ZNF423: variants seen among roughly 807,000 people sequenced by gnomAD.
The protein encoded by ZNF423 is zinc finger protein 423.
Under a neutral mutation model 95.8 loss-of-function variants are expected in ZNF423, and 12 were observed. The observed-to-expected ratio is 0.13, with a 90% CI of 0.08 to 0.20. The LOEUF (loss-of-function observed/expected upper bound fraction) is 0.20. ZNF423 is among the 10% of genes least tolerant of loss of function. ZNF423 has a pLI of 1.00. For missense variants in ZNF423, 1,316 were observed against 1,737.1 expected (o/e 0.76, Z 4.31); for synonymous variants, 749 against 711.9 (o/e 1.05, Z -0.83).
At chr16:49,522,530 C>T (rs901517136) in intron 7 of ZNF423, among the ~76,000 whole-genome samples, 5 of 151,970 alleles carry the variant, frequency 3.3e-5, no homozygotes, top group Non-Finnish European at 5.9e-5. Flanking sequence ...ACACAGAGAC[C>T]GAGAGGAGGT....
intron 1 of ZNF423, among the ~76,000 whole-genome samples, chr16:49,849,805 G>C (rs113026349): frequency 2.0e-5 from 3 of 152,206 alleles, no homozygotes; most frequent in Admixed American, 2.0e-4. Flanking sequence ...ACTGAGCTCC[G>C]ACATTGTGTA....
chr16:49,576,269 T>C (rs1038791356), intron 5 of ZNF423, among the ~76,000 whole-genome samples: 7 of 152,204 alleles, frequency 4.6e-5, no homozygotes, highest in African/African-American at 1.7e-4. Context: ...CTGTGGTCCC[T>C]GTGCTCAGGC....
intron 3 of ZNF423, among the ~76,000 whole-genome samples, chr16:49,687,140 C>T (rs1310826663): frequency 3.3e-5 from 5 of 152,028 alleles, no homozygotes; most frequent in Admixed American, 6.5e-5. Context: ...GGTTTGTCCC[C>T]TATAGTTTAT....
intron 5 of ZNF423, among the ~76,000 whole-genome samples, chr16:49,570,184 C>T (rs566759921): frequency 6.6e-5 from 10 of 152,326 alleles, no homozygotes; most frequent in Middle Eastern, 3.4e-3. Flanking sequence ...CTCTGACTGA[C>T]GGAGCATAAA....
intron 1 of ZNF423, among the ~76,000 whole-genome samples, chr16:49,828,797 G>A (rs2035032586): frequency 6.6e-6 from 1 of 152,222 alleles, no homozygotes; most frequent in South Asian, 2.1e-4. Flanking sequence ...CCCACAACCG[G>A]CTATGGAGGA....
chr16:49,574,646 G>A (rs1970441965), intron 5 of ZNF423, among the ~76,000 whole-genome samples: 1 of 152,158 alleles, frequency 6.6e-6, no homozygotes, highest in Non-Finnish European at 1.5e-5. Context: ...GTTGCCTCCT[G>A]TCATTCAAAG....
intron 2 of ZNF423, among the ~76,000 whole-genome samples, chr16:49,737,581 T>C (rs1477024): frequency 0.37 from 55,682 of 152,076 alleles, 10,669 homozygotes; most frequent in African/African-American, 0.48. Flanking sequence ...TTAACCACTA[T>C]ACGGAAAGGC....
chr16:49,548,867 C>T (rs1969532443), intron 5 of ZNF423, among the ~76,000 whole-genome samples: 3 of 152,236 alleles, frequency 2.0e-5, no homozygotes, highest in South Asian at 4.1e-4. Context: ...TGTCATCCCT[C>T]CTTTCCCTGC....
At chr16:49,775,863 G>T (rs374295840) in intron 2 of ZNF423, among the ~76,000 whole-genome samples, 5 of 152,306 alleles carry the variant, frequency 3.3e-5, no homozygotes, top group African/African-American at 9.6e-5. Context: ...CTTAACGCTC[G>T]TGTCTTTTTG....
intron 3 of ZNF423, among the ~76,000 whole-genome samples, chr16:49,706,238 A>G (rs912746842): frequency 6.6e-6 from 1 of 152,228 alleles, no homozygotes; most frequent in Non-Finnish European, 1.5e-5. Context: ...ACCACTCCCC[A>G]TCAAAGGTGA....
chr16:49,712,925 C>A (rs920086422), intron 3 of ZNF423, among the ~76,000 whole-genome samples: 1 of 152,230 alleles, frequency 6.6e-6, no homozygotes, highest in African/African-American at 2.4e-5. Context: ...CCACAGAATG[C>A]CTTCCATTGC....
rs915320027 is a variant in ZNF423 at position 49,638,776 on chromosome 16, C to T, written c.400G>A (p.Gly134Ser). The change falls in exon 4 of 8, where the codon GGC becomes AGC. Residue 134 changes from glycine (G) to serine (S), a missense_variant. Physicochemically the swap from Gly to Ser is moderately conservative, Grantham distance 56. Around this residue, in one of 6 missense-constraint regions of ZNF423, gnomAD observed 155 missense variants for 170.8 expected, o/e 0.91. Coordinates refer to ENST00000563137, the MANE Select transcript of ZNF423 (RefSeq NM_001379286.1). This position sits in a 1 kb window ranked among gnomAD's most constrained non-coding sequence, Gnocchi z 5.6. ...TQMIGDGCDL[G>S]LGEEEGGTGL... ...GTGCCCCCTTCCTCCTCGCCGAGGC[C>T]GAGGTCACAACCATCTCCGATCATC... The T allele has an allele frequency of 1.3e-5, 21 of 1,614,008 alleles. No homozygotes were observed. The highest frequency in any genetic ancestry group is 2.2e-5 in the East Asian group (1 of 44,894).
chr16:49,594,620 C>T (rs1328361358), intron 5 of ZNF423, among the ~76,000 whole-genome samples: 1 of 152,114 alleles, frequency 6.6e-6, no homozygotes, highest in Non-Finnish European at 1.5e-5. Flanking sequence ...ACCACAAACA[C>T]ACTCAAAGAC....
At chr16:49,740,867 G>A (rs990325764) in intron 2 of ZNF423, among the ~76,000 whole-genome samples, 1 of 152,220 alleles carries the variant, frequency 6.6e-6, no homozygotes, top group African/African-American at 2.4e-5. Context: ...GAACCTAAAG[G>A]ACTAGCAGTG....
intron 7 of ZNF423, among the ~76,000 whole-genome samples, chr16:49,499,273 C>T (rs1258573332): frequency 1.3e-5 from 2 of 152,232 alleles, no homozygotes; most frequent in Non-Finnish European, 1.5e-5. Context: ...GTTTTCCCGT[C>T]CCTGCCTGCC....
At position 49,510,942 on chromosome 16, in the gene ZNF423, C is replaced by G. The variant is rs919868976; in HGVS notation, c.3849+12682G>C. 2.0e-5 allele frequency among the ~76,000 whole-genome samples: 3 copies of G among 152,340 alleles called. No homozygotes were observed. In the East Asian group the frequency reaches 5.8e-4, roughly 29 times the overall value. ...ATGGTGCCCTCTAAAGTTGGTTGGC[C>G]CCCTGCCCTAGGGCATGAATGACAG... On this transcript the variant is annotated intron_variant, in intron 7 of 7. Transcript: ENST00000563137.
rs891224335 is a variant in ZNF423, at chr16:49,855,522, C to CGCA, written c.40+212_40+213insTGC. On this transcript the variant is annotated intron_variant, in intron 1 of 7. Coordinates refer to ENST00000563137, the MANE Select transcript of ZNF423 (RefSeq NM_001379286.1). The surrounding 1 kb of genome is among the most constrained non-coding windows in gnomAD (Gnocchi z 4.7). ...CGCGGCGTACCCCCTCCGCCGCCGC[C>CGCA]GCCGCCGCCGCCGCCTCCGCCTCCT... Among the ~76,000 whole-genome samples the CGCA allele has an allele frequency of 6.6e-6, 1 of 150,640 alleles. No homozygotes were observed. Among genetic ancestry groups the CGCA allele is most frequent in the African/African-American group, 2.4e-5 (1 of 40,994 alleles).
At chr16:49,567,060 C>T (rs1970218495) in intron 5 of ZNF423, among the ~76,000 whole-genome samples, 1 of 152,162 alleles carries the variant, frequency 6.6e-6, no homozygotes, top group Non-Finnish European at 1.5e-5. Context: ...TGACATCACT[C>T]GCGAATTAAG....
intron 3 of ZNF423, among the ~76,000 whole-genome samples, chr16:49,692,162 T>C (rs1030957448): frequency 3.9e-5 from 6 of 152,108 alleles, no homozygotes; most frequent in Non-Finnish European, 8.8e-5. Context: ...TTTGTGTTGC[T>C]CAGGCTCTTC....
Sources: allele counts gnomAD v4.1 joint callset (sites outside exome capture counted in the v4.1 genomes callset), GRCh38; gene constraint gnomAD v4.1.1; regional missense constraint gnomAD v4.1.1; non-coding constraint Gnocchi (gnomAD v3.1); transcripts MANE v1.5; gene names NCBI Gene and HGNC (gene_info 2026-07-23, HGNC 2026-07-21).